LRRC69: variants seen among roughly 807,000 people sequenced by gnomAD.
LRRC69 encodes the protein leucine rich repeat containing 69.
A neutral mutation model predicts 37.8 loss-of-function variants in LRRC69; 42 were observed. The ratio of observed to expected loss-of-function variants is 1.11; its 90% CI spans 0.87 to 1.44. The LOEUF (loss-of-function observed/expected upper bound fraction) is 1.44. LRRC69 is among the 40% of genes most tolerant of loss of function. The probability of loss-of-function intolerance (pLI) is 0.00; values close to 1 mark genes in which losing one functional copy is unlikely to be tolerated. For synonymous variants in LRRC69, 141 were observed against 143.1 expected (o/e 0.99, Z 0.11); for missense variants, 357 against 401.9 (o/e 0.89, Z 0.96).
chr8:91,190,016 C>T (rs1167615214), intron 6 of LRRC69, among the ~76,000 whole-genome samples: 2 of 152,158 alleles, frequency 1.3e-5, no homozygotes, highest in African/African-American at 4.8e-5. Context: ...ACTGTGTTCA[C>T]TTCAGCAAAA....
intron 5 of LRRC69, among the ~76,000 whole-genome samples, chr8:91,138,316 A>G (rs1808455136): frequency 6.6e-6 from 1 of 152,002 alleles, no homozygotes; most frequent in African/African-American, 2.4e-5. Context: ...GAATATTCAA[A>G]CATATATAAA....
intron 5 of LRRC69, among the ~76,000 whole-genome samples, chr8:91,139,685 C>T (rs1331298967): frequency 1.3e-5 from 2 of 151,810 alleles, no homozygotes; most frequent in Non-Finnish European, 2.9e-5. Context: ...GTTCCAGGAC[C>T]TCTTCATGTG....
chr8:91,198,605 A>G (rs1479232984), intron 6 of LRRC69, among the ~76,000 whole-genome samples: 1 of 152,212 alleles, frequency 6.6e-6, no homozygotes, highest in Non-Finnish European at 1.5e-5. Flanking sequence ...ATATAAAATC[A>G]ATTTCATTTA....
chr8:91,211,554 A>G (rs901719719), intron 7 of LRRC69, among the ~76,000 whole-genome samples: 22 of 149,604 alleles, frequency 1.5e-4, no homozygotes, highest in Admixed American at 2.7e-4. Context: ...TTGCTTTTAT[A>G]TATCTCTAGA....
chr8:91,218,799 T>C lies in LRRC69; in HGVS notation c.934-91T>C, dbSNP rs1197161327. On this transcript the variant is annotated intron_variant, in intron 7 of 7. Transcript: ENST00000448384. ...AATAGTGCGTCTTTAGAAGTCAATGTTCTGAAACCTCTGAGAAAGCAAATA... is the reference window on the plus strand; with the variant it reads ...AATAGTGCGTCTTTAGAAGTCAATGCTCTGAAACCTCTGAGAAAGCAAATA... 3.9e-6 allele frequency: 3 copies of C among 774,436 alleles called. No homozygotes were observed. The African/African-American group carries it at 5.3e-5, about 14-fold the overall frequency. 48.0% of individuals were successfully genotyped at this position (774,436 alleles called of 1,614,324 possible).
rs144961971 is a variant in LRRC69, at chr8:91,161,760, T to C, written c.651+26021T>C. Among the ~76,000 whole-genome samples the C allele has an allele frequency of 5.4e-3, 825 of 151,424 alleles. 11 individuals carry two copies. The highest frequency in any genetic ancestry group is 0.019 in the African/African-American group (800 of 41,494). ...TTTGCTTTTTATTCTCTATTTTGTT[T>C]ATTTCTGCGCTAATTTTCTTTCTTT... On this transcript the variant is annotated intron_variant, in intron 5 of 7. Transcript: ENST00000448384.
At chr8:91,111,059 G>C (rs766008852) in intron 1 of LRRC69, among the ~76,000 whole-genome samples, 4 of 152,070 alleles carry the variant, frequency 2.6e-5, no homozygotes, top group Non-Finnish European at 4.4e-5. Flanking sequence ...TTATATTCCA[G>C]ATATTGTTCT....
intron 6 of LRRC69, among the ~76,000 whole-genome samples, chr8:91,195,284 T>A (rs1397472180): frequency 1.3e-5 from 2 of 151,606 alleles, no homozygotes; most frequent in Non-Finnish European, 2.9e-5. Flanking sequence ...AATTTTGGAA[T>A]AGGTGTGGTG....
chr8:91,164,614 T>G (rs1414732002), intron 5 of LRRC69, among the ~76,000 whole-genome samples: 1 of 151,716 alleles, frequency 6.6e-6, no homozygotes, highest in Non-Finnish European at 1.5e-5. Context: ...GTTAATAATA[T>G]TTTTTGAAAA....
At chr8:91,176,226 C>G (rs11988140) in intron 5 of LRRC69, among the ~76,000 whole-genome samples, 100,623 of 149,186 alleles carry the variant, frequency 0.67, 34,431 homozygotes, top group African/African-American at 0.74. Context: ...CCTCCGCCTC[C>G]TGGGTTCAAG....
intron 5 of LRRC69, chr8:91,157,668 T>C: frequency 6.3e-7 from 1 of 1,588,950 alleles, no homozygotes; most frequent in Non-Finnish European, 8.6e-7. Context: ...TTGAATGCCT[T>C]ACAGCTAGCT....
chr8:91,150,544 C>A (rs1441417292), intron 5 of LRRC69, among the ~76,000 whole-genome samples: 1 of 151,732 alleles, frequency 6.6e-6, no homozygotes, highest in Non-Finnish European at 1.5e-5. Context: ...GTCTAAAATT[C>A]TCTTTTTTTG....
At chr8:91,159,656 A>G (rs975496195) in intron 5 of LRRC69, among the ~76,000 whole-genome samples, 3 of 151,240 alleles carry the variant, frequency 2.0e-5, no homozygotes, top group African/African-American at 7.3e-5. Context: ...GAAGAAAGTT[A>G]GCTTTGTAAA....
intron 5 of LRRC69, among the ~76,000 whole-genome samples, chr8:91,178,091 G>A (rs1258371933): frequency 1.3e-5 from 2 of 152,014 alleles, no homozygotes; most frequent in African/African-American, 2.4e-5. Context: ...CTTGTGATCC[G>A]CCTGCCTTGG....
At chr8:91,172,285 A>C (rs974003841) in intron 5 of LRRC69, among the ~76,000 whole-genome samples, 1 of 152,004 alleles carries the variant, frequency 6.6e-6, no homozygotes, top group Non-Finnish European at 1.5e-5. Flanking sequence ...TAGAAGTGTA[A>C]ATGCTATCTC....
intron 6 of LRRC69, among the ~76,000 whole-genome samples, chr8:91,192,779 T>C (rs1209141577): frequency 3.3e-5 from 5 of 150,960 alleles, no homozygotes; most frequent in Admixed American, 3.3e-4. Context: ...GCAAAAATTT[T>C]CTCCCATTTT....
rs138058747 is a variant in LRRC69, at chr8:91,149,912, T to C, written c.651+14173T>C. ...GTCTATTATTGGTGTATAAGAATGC[T>C]GTGATGTTTGCACATTGATTTTGTA... On this transcript the variant is annotated intron_variant, in intron 5 of 7. Transcript: ENST00000448384. Among the ~76,000 whole-genome samples the C allele has an allele frequency of 7.9e-5, 12 of 151,980 alleles. No individual in the cohort carries two copies. In the East Asian group the frequency reaches 2.3e-3, roughly 29 times the overall value.
At chr8:91,155,935 C>G (rs1052457102) in intron 5 of LRRC69, among the ~76,000 whole-genome samples, 1 of 148,002 alleles carries the variant, frequency 6.8e-6, no homozygotes, top group African/African-American at 2.5e-5. Context: ...TATACACACA[C>G]CATATATATA....
At chr8:91,123,877 A>G (rs112074031) in intron 1 of LRRC69, among the ~76,000 whole-genome samples, 2 of 152,148 alleles carry the variant, frequency 1.3e-5, no homozygotes, top group African/African-American at 4.8e-5. Context: ...GGCCTGACCA[A>G]TCTGTTCTCT....
Sources: allele counts gnomAD v4.1 joint callset (sites outside exome capture counted in the v4.1 genomes callset), GRCh38; gene constraint gnomAD v4.1.1; transcripts MANE v1.5; gene names NCBI Gene and HGNC (gene_info 2026-07-23, HGNC 2026-07-21).